CADPS2: variants seen among roughly 807,000 people sequenced by gnomAD.
The protein encoded by CADPS2 is calcium dependent secretion activator 2, also known as calcium-dependent secretion activator 2.
A neutral mutation model predicts 172.5 loss-of-function variants in CADPS2; 93 were observed. The observed-to-expected ratio is 0.54, with a 90% CI of 0.46 to 0.64. The LOEUF (loss-of-function observed/expected upper bound fraction) is 0.64, where lower values mean the gene tolerates loss of function less well. CADPS2 is among the 30% of genes least tolerant of loss of function. CADPS2 has a pLI of 0.00. For missense variants in CADPS2, 1,420 were observed against 1,565.9 expected, an observed-to-expected ratio of 0.91 and a Z score of 1.57; for synonymous variants, 546 against 555.2, an observed-to-expected ratio of 0.98 and a Z score of 0.23.
chr7:122,553,050 T>G (rs534621025), intron 8 of CADPS2, among the ~76,000 whole-genome samples: 3 of 152,164 alleles, frequency 2.0e-5, no homozygotes, highest in African/African-American at 7.2e-5. Context: ...GTTCTCCCAC[T>G]GTCTACCTGA....
At chr7:122,688,449 G>C (rs2083905530) in intron 2 of CADPS2, among the ~76,000 whole-genome samples, 1 of 152,174 alleles carries the variant, frequency 6.6e-6, no homozygotes, top group South Asian at 2.1e-4. Context: ...GGTCTGGAGG[G>C]AGTGGGTGGA....
intron 3 of CADPS2, 46 bp from the exon 4 acceptor site, chr7:122,629,374 T>A: frequency 6.8e-7 from 1 of 1,464,156 alleles, no homozygotes; most frequent in Non-Finnish European, 9.3e-7. Flanking sequence ...ACTTAATCTA[T>A]ATACAGTGAC....
intron 6 of CADPS2, among the ~76,000 whole-genome samples, chr7:122,609,627 A>T (rs1185916604): frequency 6.6e-6 from 1 of 152,168 alleles, no homozygotes; most frequent in Non-Finnish European, 1.5e-5. Context: ...TATCAATACC[A>T]TGTTTATTAG....
At chr7:122,885,700 A>C (rs867777954) in intron 1 of CADPS2, among the ~76,000 whole-genome samples, 4 of 152,178 alleles carry the variant, frequency 2.6e-5, no homozygotes, top group Non-Finnish European at 5.9e-5. Context: ...TAATCCGGCC[A>C]GAGCTGCGCC....
intron 28 of CADPS2, among the ~76,000 whole-genome samples, chr7:122,326,974 C>A (rs2033994132): frequency 6.6e-6 from 1 of 151,856 alleles, no homozygotes; most frequent in Non-Finnish European, 1.5e-5. Flanking sequence ...TAAATAAAAG[C>A]TTCAAGTTTT....
chr7:122,519,384 C>T (rs911523388), intron 8 of CADPS2, among the ~76,000 whole-genome samples: 3 of 151,994 alleles, frequency 2.0e-5, no homozygotes, highest in Non-Finnish European at 2.9e-5. Flanking sequence ...TGAACAACAA[C>T]AACAACAACA....
chr7:122,554,427 T>C (rs1425912377), intron 8 of CADPS2, 123 bp downstream of exon 8: 1 of 929,496 alleles, frequency 1.1e-6, no homozygotes, highest in Non-Finnish European at 1.6e-6. Flanking sequence ...CTTACGTATG[T>C]CACTTTTTGA....
chr7:122,542,389 T>C (rs1409045910), intron 8 of CADPS2, among the ~76,000 whole-genome samples: 2 of 152,158 alleles, frequency 1.3e-5, no homozygotes. Context: ...TGATAGTAAG[T>C]CAAATGGCTA....
chr7:122,796,265 G>T (rs916253596), intron 1 of CADPS2, among the ~76,000 whole-genome samples: 4 of 152,160 alleles, frequency 2.6e-5, no homozygotes, highest in African/African-American at 9.6e-5. Flanking sequence ...ACTCAATATT[G>T]TTAAATTGGC....
At chr7:122,722,837 G>C (rs1237086194) in intron 2 of CADPS2, among the ~76,000 whole-genome samples, 1 of 151,704 alleles carries the variant, frequency 6.6e-6, no homozygotes, top group Non-Finnish European at 1.5e-5. Flanking sequence ...CAGAGATATA[G>C]ATCAATGGAA....
chr7:122,650,056 G>A (rs570823920), intron 3 of CADPS2, among the ~76,000 whole-genome samples: 19 of 150,606 alleles, frequency 1.3e-4, no homozygotes, highest in South Asian at 1.3e-3. Flanking sequence ...TTACATGCGC[G>A]TGCCACCACA....
chr7:122,433,744 G>A (rs1328972679), intron 17 of CADPS2, among the ~76,000 whole-genome samples: 2 of 152,156 alleles, frequency 1.3e-5, no homozygotes, highest in African/African-American at 2.4e-5. Flanking sequence ...TTTAATAAAA[G>A]TATATTTCCT....
intron 8 of CADPS2, among the ~76,000 whole-genome samples, chr7:122,542,682 C>T (rs2063220983): frequency 6.6e-6 from 1 of 152,040 alleles, no homozygotes; most frequent in South Asian, 2.1e-4. Flanking sequence ...ATGTTTTACA[C>T]ATTTCAGGTT....
rs182963150 is a variant in CADPS2, at chr7:122,478,324, C to T, written c.1861+2528G>A. Among the ~76,000 whole-genome samples, 83 of 152,270 alleles carry T rather than the reference C, an allele frequency of 5.5e-4. No individual in the cohort carries two copies. The South Asian group carries it at 0.016, about 29-fold the overall frequency. On this transcript the variant is annotated intron_variant, in intron 12 of 29. Transcript: ENST00000449022. ...ACAATATGACAACTATCAAAACAAA[C>T]CAACAAGCTATGAGCTTAAGCAGTA... is the stretch of plus-strand genomic sequence containing the variant.
chr7:122,662,112 A>G (rs2080624515), intron 3 of CADPS2, among the ~76,000 whole-genome samples: 1 of 152,238 alleles, frequency 6.6e-6, no homozygotes, highest in South Asian at 2.1e-4. Flanking sequence ...ACCAATATGG[A>G]TATAACACAG....
At chr7:122,568,511 AG>A (rs2066767149) in intron 7 of CADPS2, among the ~76,000 whole-genome samples, 2 of 152,140 alleles carry the variant, frequency 1.3e-5, no homozygotes, top group Non-Finnish European at 2.9e-5. Flanking sequence ...TTTACACCAA[AG>A]AGCTCAATGG....
At chr7:122,322,416 C>T (rs1234971992) in intron 29 of CADPS2, among the ~76,000 whole-genome samples, 2 of 152,174 alleles carry the variant, frequency 1.3e-5, no homozygotes, top group African/African-American at 4.8e-5. Flanking sequence ...GGCAGCTAGC[C>T]TTGCAATCTC....
chr7:122,480,263 GAT>G (rs1421115683), intron 12 of CADPS2: 1 of 274,212 alleles, frequency 3.6e-6, no homozygotes, highest in Non-Finnish European at 7.8e-6. Flanking sequence ...GTCCCAAAAA[GAT>G]AAGGTTGTCT....
At chr7:122,885,795 G>A (rs1338502739) in intron 1 of CADPS2, among the ~76,000 whole-genome samples, 1 of 149,806 alleles carries the variant, frequency 6.7e-6, no homozygotes, top group East Asian at 1.9e-4. Flanking sequence ...GCCCAGGCGG[G>A]GAGGAGGAGA....
Sources: gnomAD v4.1 joint callset for allele counts (sites outside exome capture counted in the v4.1 genomes callset) on GRCh38, gnomAD v4.1.1 for gene constraint, MANE v1.5 for transcripts, NCBI Gene and HGNC (gene_info 2026-07-23, HGNC 2026-07-21) for gene names.